The following ABCD2 variants were observed in gnomAD, a reference collection of about 807,000 sequenced individuals.
ABCD2 encodes ATP-binding cassette sub-family D member 2.
ABCD2 carries 36 observed loss-of-function variants against 70.9 expected under a neutral mutation model. That is an observed-to-expected ratio of 0.51 (90% CI 0.39 to 0.67). The LOEUF is 0.67. Ranked by LOEUF, ABCD2 falls within the 30% of genes least tolerant of loss-of-function variation. The probability of loss-of-function intolerance (pLI) is 0.00; values close to 1 mark genes in which losing one functional copy is unlikely to be tolerated. For missense variants in ABCD2, 729 were observed against 890.2 expected (o/e 0.82, Z 2.30); for synonymous variants, 304 against 306.9 (o/e 0.99, Z 0.10).
chr12:39,564,315 C>G (rs1185044802), intron 9 of ABCD2, among the ~76,000 whole-genome samples: 1 of 152,178 alleles, frequency 6.6e-6, no homozygotes, highest in East Asian at 1.9e-4. Context: ...TTAATAATCG[C>G]CATTCTAACT....
chr12:39,569,443 T>A (rs1941413555), intron 9 of ABCD2, among the ~76,000 whole-genome samples: 1 of 152,206 alleles, frequency 6.6e-6, no homozygotes, highest in Non-Finnish European at 1.5e-5. Flanking sequence ...GGATATAATA[T>A]CCTGGTGTGC....
At chr12:39,581,145 G>T (rs1173883605) in intron 7 of ABCD2, among the ~76,000 whole-genome samples, 2 of 152,040 alleles carry the variant, frequency 1.3e-5, no homozygotes, top group Non-Finnish European at 2.9e-5. Flanking sequence ...CAAAACAATG[G>T]TTGCCTGATG....
the ABCD2 span, among the ~76,000 whole-genome samples, chr12:39,542,387 C>T: frequency 6.0e-5 from 9 of 150,718 alleles, no homozygotes; most frequent in Non-Finnish European, 1.0e-4. Context: ...CGCTTGAACC[C>T]GAGAGGTGGA....
the ABCD2 span, among the ~76,000 whole-genome samples, chr12:39,540,707 AT>A: frequency 1.3e-5 from 2 of 152,320 alleles, no homozygotes; most frequent in South Asian, 4.1e-4. Flanking sequence ...TAACCTGAAC[AT>A]TTCCTTTCTA....
intron 1 of ABCD2, 22 bp downstream of exon 1, chr12:39,618,655 A>G (rs1942149583): frequency 1.3e-6 from 2 of 1,591,006 alleles, no homozygotes; most frequent in Non-Finnish European, 1.7e-6. Context: ...CATTTCACCC[A>G]TCACCTTAAT....
the ABCD2 span, among the ~76,000 whole-genome samples, chr12:39,544,503 C>CT: frequency 6.6e-6 from 1 of 152,130 alleles, no homozygotes; most frequent in African/African-American, 2.4e-5. Flanking sequence ...AAACTATAAA[C>CT]TAAGTTTATC....
chr12:39,532,691 G>A, the ABCD2 span, among the ~76,000 whole-genome samples: 165 of 152,240 alleles, frequency 1.1e-3, no homozygotes, highest in Non-Finnish European at 1.5e-3. Flanking sequence ...TTAAGATACC[G>A]ATCAACAGTG....
At position 39,619,084 on chromosome 12, in the gene ABCD2, G is replaced by A. The variant is rs752270059; in HGVS notation, c.532C>T (p.Arg178Cys). The change falls in exon 1 of 10, where the codon CGC (arginine) becomes TGC (cysteine). Residue 178 changes from arginine (R) to cysteine (C), a missense_variant. By Grantham distance (180) the Arg-to-Cys change is radical (BLOSUM62 -3). This residue lies in a region of ABCD2 where 245 missense variants were observed against 261.2 expected (regional missense o/e 0.94). Coordinates refer to ENST00000308666, the MANE Select transcript of ABCD2 (RefSeq NM_005164.4). The part of the protein sequence containing the change: ...ECKLALAFRT[R>C]LVDHAYETYF... The stretch of plus-strand genomic sequence containing the variant: ...GTTTCATAGGCGTGGTCTACTAGGC[G>A]AGTTCTGAAGGCCAAAGCCAATTTG... The A allele has an allele frequency of 3.7e-6, 6 of 1,614,038 alleles. No individual in the cohort carries two copies. The highest frequency in any genetic ancestry group is 3.3e-5 in the South Asian group (3 of 91,080).
At chr12:39,570,604 T>A (rs1941434130) in intron 9 of ABCD2, among the ~76,000 whole-genome samples, 1 of 152,166 alleles carries the variant, frequency 6.6e-6, no homozygotes. Context: ...AAGACTTCAA[T>A]GCAAGACCTG....
At chr12:39,603,556 ATT>A in intron 5 of ABCD2, among the ~76,000 whole-genome samples, 1 of 152,066 alleles carries the variant, frequency 6.6e-6, no homozygotes, top group Non-Finnish European at 1.5e-5. Flanking sequence ...TTCTATTCAT[ATT>A]TTAGTAAATA....
chr12:39,564,005 A>G (rs1941302172), intron 9 of ABCD2, among the ~76,000 whole-genome samples: 1 of 151,990 alleles, frequency 6.6e-6, no homozygotes. Flanking sequence ...TATGTGCCAC[A>G]TTTTCTTAAT....
At chr12:39,607,749 T>G (rs1455908684) in intron 2 of ABCD2, 35 bp from the exon 3 acceptor site, 3 of 1,313,044 alleles carry the variant, frequency 2.3e-6, no homozygotes, top group East Asian at 2.4e-5. Context: ...ACTTGAGTTT[T>G]TTTTTTTTTT....
chr12:39,585,847 C>A (rs1184121313), intron 7 of ABCD2, among the ~76,000 whole-genome samples: 1 of 152,100 alleles, frequency 6.6e-6, no homozygotes, highest in Non-Finnish European at 1.5e-5. Flanking sequence ...ATAGACTTTA[C>A]ATACATCTAG....
intron 2 of ABCD2, among the ~76,000 whole-genome samples, chr12:39,611,095 A>G (rs1942038779): frequency 6.6e-6 from 1 of 152,222 alleles, no homozygotes; most frequent in Non-Finnish European, 1.5e-5. Flanking sequence ...AAGAGTACAT[A>G]TTGAAAATTG....
chr12:39,548,335 T>C (rs1224071242), downstream of ABCD2, among the ~76,000 whole-genome samples: 2 of 152,078 alleles, frequency 1.3e-5, no homozygotes, highest in Non-Finnish European at 2.9e-5. Flanking sequence ...ACTTACTATG[T>C]GTTTATCAAA....
intron 3 of ABCD2, among the ~76,000 whole-genome samples, chr12:39,605,716 G>A (rs899271192): frequency 6.6e-5 from 10 of 151,958 alleles, no homozygotes; most frequent in African/African-American, 2.4e-4. Flanking sequence ...TTCCTATCAA[G>A]AACATGTTTC....
chr12:39,532,502 T>C, the ABCD2 span, among the ~76,000 whole-genome samples: 1 of 152,234 alleles, frequency 6.6e-6, no homozygotes, highest in Non-Finnish European at 1.5e-5. Context: ...TTGGCACTCA[T>C]GCATTACTGT....
At chr12:39,542,850 G>A in the ABCD2 span, among the ~76,000 whole-genome samples, 3 of 152,188 alleles carry the variant, frequency 2.0e-5, no homozygotes, top group Non-Finnish European at 4.4e-5. Context: ...GAGAAAAGAA[G>A]GGAGGGGAGG....
chr12:39,589,156 G>A (rs1941707920), intron 6 of ABCD2, among the ~76,000 whole-genome samples: 2 of 152,226 alleles, frequency 1.3e-5, no homozygotes, highest in South Asian at 2.1e-4. Flanking sequence ...GAAAGAAAGA[G>A]AAGGAGAGGT....
Sources: gnomAD v4.1 joint callset for allele counts (sites outside exome capture counted in the v4.1 genomes callset) on GRCh38, gnomAD v4.1.1 for gene constraint, gnomAD v4.1.1 regional missense constraint, MANE v1.5 for transcripts, NCBI Gene and HGNC (gene_info 2026-07-23, HGNC 2026-07-21) for gene names.